Variants in AP1G1 observed in about 807,000 individuals in gnomAD.
The protein encoded by AP1G1 is adaptor related protein complex 1 subunit gamma 1.
A neutral mutation model predicts 108.3 loss-of-function variants in AP1G1; 7 were observed. The ratio of observed to expected loss-of-function variants is 0.06; its 90% CI spans 0.04 to 0.12. AP1G1 has a LOEUF of 0.12. Among genes scored for constraint, AP1G1 ranks in the 10% least tolerant of loss-of-function variants. AP1G1 has a pLI of 1.00. For synonymous variants in AP1G1, 379 were observed against 353.5 expected (o/e 1.07, Z -0.81); for missense variants, 756 against 1,010.7 (o/e 0.75, Z 3.42).
At chr16:71,741,404 G>A (rs1000760034) in intron 19 of AP1G1, among the ~76,000 whole-genome samples, 3 of 152,070 alleles carry the variant, frequency 2.0e-5, no homozygotes, top group African/African-American at 7.2e-5. Flanking sequence ...CCAACACAGC[G>A]AAACCCTATC....
intron 1 of AP1G1, among the ~76,000 whole-genome samples, chr16:71,792,715 G>A (rs1283727713): frequency 1.3e-5 from 2 of 152,016 alleles, no homozygotes; most frequent in Non-Finnish European, 2.9e-5. Context: ...ATAGCCAGGC[G>A]TGGTGGCGCA....
At position 71,745,289 on chromosome 16, in the gene AP1G1, C is replaced by A; in HGVS notation, c.1873-19G>T. On this transcript the variant is annotated intron_variant, in intron 18 of 22. Transcript: ENST00000299980. The stretch of plus-strand genomic sequence containing the variant: ...CATTGGCCTAAACAAGGTAACAACA[C>A]CTCAATTCATTATTATTTGATTTGT... The A allele has an allele frequency of 6.2e-7, 1 of 1,613,614 alleles. No homozygotes were observed. Among genetic ancestry groups the A allele is most frequent in the Non-Finnish European group, 8.5e-7 (1 of 1,179,816 alleles).
Position 71,733,022 on chromosome 16 carries a change from TTGAG to T in AP1G1, c.*32_*35del. The stretch of plus-strand genomic sequence containing the variant: ...AACCTCCTTCCCAGAGTTCCTTTGA[TTGAG>T]TGGGATAAAGAATGAGAATGGTGCC... On this transcript the variant is annotated 3_prime_UTR_variant, in exon 23 of 23. Coordinates refer to ENST00000299980, the MANE Select transcript of AP1G1 (RefSeq NM_001128.6). 1 of 1,543,906 alleles carries T rather than the reference TTGAG, an allele frequency of 6.5e-7. No homozygotes were observed.
intron 1 of AP1G1, among the ~76,000 whole-genome samples, chr16:71,801,136 A>C (rs1238121182): frequency 6.6e-6 from 1 of 152,116 alleles, no homozygotes. Flanking sequence ...GCGAAACCTC[A>C]TCTCTACTAA....
chr16:71,744,952 C>T (rs887338598), intron 19 of AP1G1, among the ~76,000 whole-genome samples, 192 bp downstream of exon 19: 1 of 152,082 alleles, frequency 6.6e-6, no homozygotes, highest in Non-Finnish European at 1.5e-5. Flanking sequence ...TTAAGAAATC[C>T]GTATAAATTA....
Position 71,769,594 on chromosome 16 carries a change from AAGG to A in AP1G1, c.642+26_642+28del, listed in dbSNP as rs778838750. The A allele has an allele frequency of 7.0e-6, 11 of 1,581,080 alleles. No homozygotes were observed. The South Asian group carries it at 1.2e-4, about 18-fold the overall frequency. ...CAGGAAAATCATTTTTCAATCAAGAAAGGCTTAGGCATACAGAATGGCACCTAC... is the reference window on the plus strand; with the variant it reads ...CAGGAAAATCATTTTTCAATCAAGAACTTAGGCATACAGAATGGCACCTAC... On this transcript the variant is annotated intron_variant, in intron 6 of 22. Coordinates refer to ENST00000299980, the MANE Select transcript of AP1G1 (RefSeq NM_001128.6).
chr16:71,742,282 C>T (rs2029909174), intron 19 of AP1G1: 1 of 151,952 alleles, frequency 6.6e-6, no homozygotes, highest in African/African-American at 2.4e-5. Flanking sequence ...ATTAAACATT[C>T]TCTGTGATCA....
intron 4 of AP1G1, among the ~76,000 whole-genome samples, chr16:71,772,423 C>T (rs984849988): frequency 6.6e-6 from 1 of 152,208 alleles, no homozygotes; most frequent in African/African-American, 2.4e-5. Context: ...GCCACCATGC[C>T]CAGCCTATCT....
chr16:71,808,420 G>GCCCGCCCCGCTAAACCCCAGGCT, intron 1 of AP1G1: 1 of 1,135,126 alleles, frequency 8.8e-7, no homozygotes, highest in Non-Finnish European at 1.1e-6. Context: ...CGGGGGTGGG[G>GCCCGCCCCGCTAAACCCCAGGCT]CCCGCCCCGC....
In AP1G1 at chr16:71,808,814, G is replaced by A. The variant is rs963820179; in HGVS notation, c.-55C>T. 6.2e-6 allele frequency: 8 copies of A among 1,289,536 alleles called. No individual in the cohort carries two copies. The African/African-American group carries it at 1.1e-4, about 17-fold the overall frequency. The allele number at this position is 1,289,536 out of a possible 1,614,324, so 79.9% of individuals were successfully genotyped here. ...CAGCTCCGGGGGCGGCGGCAGCAGT[G>A]GCAGCAGGAACCGAACATCCAAAAT... On this transcript the variant is annotated 5_prime_UTR_variant, in exon 1 of 23. Coordinates refer to ENST00000299980, the MANE Select transcript of AP1G1 (RefSeq NM_001128.6).
intron 17 of AP1G1, 97 bp downstream of exon 17, chr16:71,746,491 T>A (rs2030189337): frequency 8.2e-6 from 6 of 727,610 alleles, no homozygotes; most frequent in African/African-American, 1.8e-5. Flanking sequence ...GAGGAACAAT[T>A]AATAAAGCAC....
chr16:71,747,713 G>A (rs756909480), intron 16 of AP1G1, among the ~76,000 whole-genome samples: 46 of 152,146 alleles, frequency 3.0e-4, no homozygotes, highest in Non-Finnish European at 6.3e-4. Flanking sequence ...CAGGTGGAGT[G>A]GGTCACATCT....
In AP1G1 at chr16:71,769,470, C is replaced by G. The variant is rs1049021091; in HGVS notation, c.642+153G>C. 2.3e-5 allele frequency: 16 copies of G among 700,990 alleles called. No individual in the cohort carries two copies. The Middle Eastern group carries it at 1.6e-3, about 71-fold the overall frequency. 43.4% of individuals were successfully genotyped at this position (700,990 alleles called of 1,614,324 possible). On this transcript the variant is annotated intron_variant, in intron 6 of 22. Coordinates refer to ENST00000299980, the MANE Select transcript of AP1G1 (RefSeq NM_001128.6). ...CCAGTTCTCACTTATATGCCTAAAT[C>G]TGGCTTCCAGGCCAATTGCATAGCA...
At chr16:71,755,485 G>A (rs1185493906) in intron 12 of AP1G1, among the ~76,000 whole-genome samples, 1 of 152,094 alleles carries the variant, frequency 6.6e-6, no homozygotes, top group Admixed American at 6.6e-5. Flanking sequence ...AGAGGTTAAA[G>A]AACAGATAAA....
At chr16:71,788,785 C>G (rs2032299038) in intron 2 of AP1G1, among the ~76,000 whole-genome samples, 1 of 151,636 alleles carries the variant, frequency 6.6e-6, no homozygotes, top group African/African-American at 2.4e-5. Context: ...ACTTAGCTTC[C>G]TGAGTAGCTG....
intron 21 of AP1G1, among the ~76,000 whole-genome samples, chr16:71,738,737 A>T (rs1192815784): frequency 6.6e-6 from 1 of 152,194 alleles, no homozygotes; most frequent in Non-Finnish European, 1.5e-5. Flanking sequence ...TACAATGCTA[A>T]CCATCAGAAT....
intron 2 of AP1G1, among the ~76,000 whole-genome samples, chr16:71,775,537 T>TC: frequency 6.6e-6 from 1 of 152,030 alleles, no homozygotes; most frequent in African/African-American, 2.4e-5. Context: ...CCTACTTTAA[T>TC]CCCCAAGTTA....
Position 71,745,205 on chromosome 16 carries a change from T to A in AP1G1, c.1938A>T (p.Thr646=). The change falls in exon 19 of 23, where the codon ACA becomes ACT. Residue 646 remains threonine, a synonymous_variant. Transcript: ENST00000299980. ...DITPVIPTAP[T]SKPSSAGGEL... ...CTCCACCAGCAGAAGATGGTTTGCT[T>A]GTAGGCGCAGTTGGAATAACAGGTG... 6.2e-7 allele frequency: 1 copy of A among 1,614,200 alleles called. No homozygotes were observed. Among genetic ancestry groups the A allele is most frequent in the Non-Finnish European group, 8.5e-7 (1 of 1,180,038 alleles).
In AP1G1 at chr16:71,746,629, T is replaced by C. The variant is rs1266248199; in HGVS notation, c.1689A>G (p.Ala563=). ...TCTTGAAAAGTGCATTATATTCTAC[T>C]GCCCTCTGCTGGAGTTCCACATCAA... ...SSIDVELQQR[A]VEYNALFKKY... The change falls in exon 17 of 23, where the codon GCA becomes GCG. Residue 563 remains alanine (A), a synonymous_variant. Transcript: ENST00000299980. 2.5e-6 allele frequency: 4 copies of C among 1,613,426 alleles called. No individual in the cohort carries two copies. The highest frequency in any genetic ancestry group is 1.1e-5 in the South Asian group (1 of 90,956).
Sources: allele counts gnomAD v4.1 joint callset (sites outside exome capture counted in the v4.1 genomes callset), GRCh38; gene constraint gnomAD v4.1.1; transcripts MANE v1.5; gene names NCBI Gene and HGNC (gene_info 2026-07-23, HGNC 2026-07-21).